The following RTF2 variants were observed in gnomAD, a reference collection of about 807,000 sequenced individuals.
RTF2 encodes the protein replication termination factor 2.
Under a neutral mutation model 38.0 loss-of-function variants are expected in RTF2, and 18 were observed. The ratio of observed to expected loss-of-function variants is 0.47; its 90% CI spans 0.33 to 0.70. The LOEUF (loss-of-function observed/expected upper bound fraction) is 0.70. RTF2 is among the 30% of genes least tolerant of loss of function. The probability of loss-of-function intolerance (pLI) is 0.02; values close to 1 mark genes in which losing one functional copy is unlikely to be tolerated. For synonymous variants in RTF2, 126 were observed against 137.1 expected (o/e 0.92, Z 0.57); for missense variants, 311 against 379.6 (o/e 0.82, Z 1.50).
intron 1 of RTF2, among the ~76,000 whole-genome samples, chr20:56,472,609 G>T (rs1358461019): frequency 6.6e-6 from 1 of 151,608 alleles, no homozygotes; most frequent in African/African-American, 2.4e-5. Flanking sequence ...CAGTTCTTAA[G>T]TCTTTAAATT....
At chr20:56,475,943 G>A (rs565872589) in intron 3 of RTF2, among the ~76,000 whole-genome samples, 23 of 152,304 alleles carry the variant, frequency 1.5e-4, no homozygotes, top group Middle Eastern at 6.8e-3. Context: ...ACAAATACTC[G>A]GAGCAGAGAA....
chr20:56,511,201 C>T (rs977183843), intron 5 of RTF2, among the ~76,000 whole-genome samples: 7 of 152,050 alleles, frequency 4.6e-5, no homozygotes, highest in Admixed American at 1.3e-4. Context: ...ACCCCCATAC[C>T]GGTGACAGTC....
At chr20:56,495,218 A>T (rs1212344248) in intron 5 of RTF2, 1 of 1,551,216 alleles carries the variant, frequency 6.4e-7, no homozygotes, top group Admixed American at 2.0e-5. Context: ...ATCCATCATG[A>T]ACATTTCCTT....
chr20:56,474,069 G>A (rs1982110027), intron 2 of RTF2, among the ~76,000 whole-genome samples: 1 of 152,204 alleles, frequency 6.6e-6, no homozygotes, highest in Non-Finnish European at 1.5e-5. Context: ...ACACCTTCTG[G>A]TTTTAATTTT....
intron 5 of RTF2, among the ~76,000 whole-genome samples, chr20:56,512,227 GT>G (rs1380884862): frequency 2.6e-5 from 4 of 152,142 alleles, no homozygotes; most frequent in Non-Finnish European, 5.9e-5. Flanking sequence ...TAGACAGATG[GT>G]GGCAGAAATC....
chr20:56,497,002 T>G (rs2146346407), intron 5 of RTF2: 1 of 1,551,898 alleles, frequency 6.4e-7, no homozygotes, highest in East Asian at 2.4e-5. Flanking sequence ...CCACAAAGAT[T>G]GATGACATAG....
At chr20:56,495,055 T>G in intron 5 of RTF2, 1 of 601,526 alleles carries the variant, frequency 1.7e-6, no homozygotes, top group Non-Finnish European at 2.9e-6. Flanking sequence ...TTTAAAAAAT[T>G]GACTCAACCT....
intron 5 of RTF2, chr20:56,495,104 A>C: frequency 1.2e-6 from 1 of 841,732 alleles, no homozygotes; most frequent in East Asian, 2.7e-5. Flanking sequence ...ATTACTTTAA[A>C]CATGATCCTC....
chr20:56,483,743 C>T (rs1255693712), intron 4 of RTF2, among the ~76,000 whole-genome samples: 7 of 152,076 alleles, frequency 4.6e-5, no homozygotes, highest in Non-Finnish European at 7.4e-5. Context: ...ATTTTTTGTA[C>T]GAACTGCATG....
intron 5 of RTF2, among the ~76,000 whole-genome samples, chr20:56,506,795 G>C (rs923766380): frequency 8.5e-5 from 13 of 152,104 alleles, no homozygotes; most frequent in African/African-American, 2.7e-4. Flanking sequence ...CCGCCTCCCA[G>C]CTTCACGCCA....
At chr20:56,504,182 C>T (rs1403755681) in intron 5 of RTF2, 2 of 152,226 alleles carry the variant, frequency 1.3e-5, no homozygotes, top group Non-Finnish European at 2.9e-5. Context: ...AGTTGCTTGG[C>T]AGGTTTTGTT....
At chr20:56,478,460 A>G (rs1982370625) in intron 4 of RTF2, among the ~76,000 whole-genome samples, 1 of 152,204 alleles carries the variant, frequency 6.6e-6, no homozygotes, top group Non-Finnish European at 1.5e-5. Flanking sequence ...ATGCCACTGC[A>G]GAGCCTGGGT....
chr20:56,497,804 A>G (rs1983654358), intron 5 of RTF2: 1 of 328,892 alleles, frequency 3.0e-6, no homozygotes, highest in Non-Finnish European at 5.7e-6. Flanking sequence ...CACTCTTCAA[A>G]GTGTTCTTAT....
intron 4 of RTF2, 81 bp from the exon 5 acceptor site, chr20:56,484,030 C>G: frequency 8.5e-7 from 1 of 1,171,356 alleles, no homozygotes; most frequent in South Asian, 1.3e-5. Context: ...CTTTGTGGTT[C>G]TTGGCCTTTG....
chr20:56,489,348 G>A (rs1982969910), intron 5 of RTF2, among the ~76,000 whole-genome samples: 1 of 151,938 alleles, frequency 6.6e-6, no homozygotes, highest in Non-Finnish European at 1.5e-5. Flanking sequence ...ACAGGCATGA[G>A]CCACCACGCC....
intron 3 of RTF2, among the ~76,000 whole-genome samples, chr20:56,475,277 G>A (rs1366079107): frequency 6.6e-6 from 1 of 152,112 alleles, no homozygotes; most frequent in Non-Finnish European, 1.5e-5. Context: ...ACTTGGAAAG[G>A]TAATGAAGAA....
intron 6 of RTF2, among the ~76,000 whole-genome samples, chr20:56,515,504 G>A (rs763621897): frequency 3.9e-5 from 6 of 152,020 alleles, no homozygotes; most frequent in South Asian, 2.1e-4. Context: ...CTTGGGAGGC[G>A]GAGGTTGCAG....
chr20:56,481,852 C>T (rs944344742), intron 4 of RTF2, among the ~76,000 whole-genome samples: 3 of 152,216 alleles, frequency 2.0e-5, no homozygotes, highest in Non-Finnish European at 2.9e-5. Flanking sequence ...GGATTTACCT[C>T]TTCTGGATAT....
rs1292795706 is a variant in RTF2, at chr20:56,513,234, G to A, written c.478-81G>A. 3.9e-6 allele frequency: 6 copies of A among 1,525,704 alleles called. No homozygotes were observed. In the African/African-American group the frequency reaches 6.9e-5, roughly 18 times the overall value. The allele number at this position is 1,525,704 out of a possible 1,614,324, so 94.5% of individuals were successfully genotyped here. Reference sequence around the variant, plus strand: ...ACTCGGAGCCTGGGGGCCACTGCTTGGGGCTGAGAGTGGGGGACTGAAGCG... The same window carrying A: ...ACTCGGAGCCTGGGGGCCACTGCTTAGGGCTGAGAGTGGGGGACTGAAGCG... On this transcript the variant is annotated intron_variant, in intron 5 of 8. Transcript: ENST00000357348.
Sources: allele counts gnomAD v4.1 joint callset (sites outside exome capture counted in the v4.1 genomes callset), GRCh38; gene constraint gnomAD v4.1.1; transcripts MANE v1.5; gene names NCBI Gene and HGNC (gene_info 2026-07-23, HGNC 2026-07-21).